HS6ST3: variants seen among roughly 807,000 people sequenced by gnomAD.
HS6ST3 encodes the protein heparan sulfate 6-O-sulfotransferase 3.
Under a neutral mutation model 36.7 loss-of-function variants are expected in HS6ST3, and 12 were observed. That is an observed-to-expected ratio of 0.33 (90% CI 0.21 to 0.53). The LOEUF (loss-of-function observed/expected upper bound fraction) is 0.53, where lower values mean the gene tolerates loss of function less well. Ranked by LOEUF, HS6ST3 falls within the 20% of genes least tolerant of loss-of-function variation. The pLI, the probability that HS6ST3 is intolerant of heterozygous loss-of-function variation, is 0.95. For missense variants in HS6ST3, 584 were observed against 640.9 expected (o/e 0.91, Z 0.96); for synonymous variants, 240 against 257.5 (o/e 0.93, Z 0.65).
chr13:96,375,066 C>A (rs1233067918), intron 1 of HS6ST3, among the ~76,000 whole-genome samples: 1 of 152,080 alleles, frequency 6.6e-6, no homozygotes, highest in Admixed American at 6.6e-5. Context: ...TGCTTCCATT[C>A]TTGTCCCTTC....
intron 1 of HS6ST3, among the ~76,000 whole-genome samples, chr13:96,112,609 A>G (rs1281055041): frequency 9.8e-6 from 1 of 102,278 alleles, no homozygotes; most frequent in Non-Finnish European, 2.1e-5. Flanking sequence ...ATATATATAT[A>G]TATATATATA....
At chr13:96,256,313 G>A (rs910646057) in intron 1 of HS6ST3, among the ~76,000 whole-genome samples, 1 of 152,158 alleles carries the variant, frequency 6.6e-6, no homozygotes, top group Non-Finnish European at 1.5e-5. Context: ...TCAAAAGTGT[G>A]GCGAGGGTGG....
intron 1 of HS6ST3, among the ~76,000 whole-genome samples, chr13:96,652,710 A>T (rs2056611784): frequency 6.6e-6 from 1 of 152,074 alleles, no homozygotes; most frequent in South Asian, 2.1e-4. Context: ...GTGTTTGGCA[A>T]TCTGTAATGT....
intron 1 of HS6ST3, among the ~76,000 whole-genome samples, chr13:96,424,138 A>G (rs1333021578): frequency 6.6e-6 from 1 of 152,184 alleles, no homozygotes; most frequent in East Asian, 1.9e-4. Flanking sequence ...TTTATTAGAG[A>G]TAAGTTTTTT....
intron 1 of HS6ST3, chr13:96,574,075 C>T (rs1231113811): frequency 3.7e-6 from 2 of 542,052 alleles, no homozygotes; most frequent in Admixed American, 1.9e-5. Flanking sequence ...GGCTTCATGG[C>T]TGCATTGGGA....
chr13:96,730,495 C>T (rs760466468), intron 1 of HS6ST3, among the ~76,000 whole-genome samples: 1 of 152,126 alleles, frequency 6.6e-6, no homozygotes, highest in African/African-American at 2.4e-5. Context: ...CATTCCTACC[C>T]TCCCCCACAA....
chr13:96,548,279 C>G (rs2056205177), intron 1 of HS6ST3, among the ~76,000 whole-genome samples: 1 of 152,116 alleles, frequency 6.6e-6, no homozygotes, highest in African/African-American at 2.4e-5. Context: ...TCCAGACGCA[C>G]CTTGCTTATC....
At chr13:96,533,979 C>A (rs567469647) in intron 1 of HS6ST3, among the ~76,000 whole-genome samples, 1 of 152,176 alleles carries the variant, frequency 6.6e-6, no homozygotes, top group Non-Finnish European at 1.5e-5. Context: ...TCATTCATTC[C>A]GCCCATCAGG....
intron 1 of HS6ST3, among the ~76,000 whole-genome samples, chr13:96,679,636 T>G (rs2056711485): frequency 6.6e-6 from 1 of 152,186 alleles, no homozygotes; most frequent in African/African-American, 2.4e-5. Flanking sequence ...TTCTGGTCTT[T>G]TTGATATGCT....
intron 1 of HS6ST3, among the ~76,000 whole-genome samples, chr13:96,202,221 G>T (rs2054345899): frequency 6.6e-6 from 1 of 152,118 alleles, no homozygotes; most frequent in Admixed American, 6.6e-5. Context: ...CCAGATAACT[G>T]CATTTTAATG....
chr13:96,787,567 A>G (rs1015116906), intron 1 of HS6ST3, among the ~76,000 whole-genome samples: 5 of 152,088 alleles, frequency 3.3e-5, no homozygotes, highest in Admixed American at 1.3e-4. Context: ...TTTCATCTAT[A>G]TATCTTCTTT....
chr13:96,153,391 C>G (rs192291640), intron 1 of HS6ST3, among the ~76,000 whole-genome samples: 1 of 152,050 alleles, frequency 6.6e-6, no homozygotes. Flanking sequence ...GGGGTATTTC[C>G]GGGGGAAGAA....
chr13:96,712,594 A>T (rs1445280589), intron 1 of HS6ST3, among the ~76,000 whole-genome samples: 1 of 152,162 alleles, frequency 6.6e-6, no homozygotes, highest in African/African-American at 2.4e-5. Flanking sequence ...AGCGCCAAAT[A>T]GCAGTTTCTC....
intron 1 of HS6ST3, among the ~76,000 whole-genome samples, chr13:96,307,116 C>G (rs2054917615): frequency 6.6e-6 from 1 of 151,398 alleles, no homozygotes; most frequent in Non-Finnish European, 1.5e-5. Context: ...TTCTGTTGGT[C>G]TTCTACATTC....
intron 1 of HS6ST3, among the ~76,000 whole-genome samples, chr13:96,166,510 A>G (rs2054160788): frequency 6.6e-6 from 1 of 150,948 alleles, no homozygotes; most frequent in Non-Finnish European, 1.5e-5. Flanking sequence ...TATAGTCTAT[A>G]GTCTTTTAAT....
intron 1 of HS6ST3, among the ~76,000 whole-genome samples, chr13:96,163,650 A>T (rs576940635): frequency 1.8e-4 from 28 of 152,228 alleles, no homozygotes; most frequent in African/African-American, 6.5e-4. Context: ...GCATAATAGT[A>T]TAGGATTAAT....
chr13:96,469,302 CT>C lies in HS6ST3; in HGVS notation c.708-363176del, dbSNP rs35741442. On this transcript the variant is annotated intron_variant, in intron 1 of 1. Coordinates refer to ENST00000376705, the MANE Select transcript of HS6ST3 (RefSeq NM_153456.4). Reference sequence around the variant, plus strand: ...TGGCTTAGTTGAATCCCTCCCCCAACTTTTTTTTTTTTGATCAATGCTGGGA... The same window carrying C: ...TGGCTTAGTTGAATCCCTCCCCCAACTTTTTTTTTTTGATCAATGCTGGGA... Among the ~76,000 whole-genome samples, 380 of 146,132 alleles carry C rather than the reference CT, an allele frequency of 2.6e-3. 1 individual carries two copies. Among genetic ancestry groups the C allele is most frequent in the South Asian group, 6.5e-3 (30 of 4,600 alleles).
At chr13:96,702,102 T>C (rs1355494832) in intron 1 of HS6ST3, among the ~76,000 whole-genome samples, 1 of 152,108 alleles carries the variant, frequency 6.6e-6, no homozygotes, top group Non-Finnish European at 1.5e-5. Context: ...AAAAGGGAGA[T>C]GGTAAGATGG....
At chr13:96,280,934 A>G (rs532244324) in intron 1 of HS6ST3, among the ~76,000 whole-genome samples, 2 of 152,322 alleles carry the variant, frequency 1.3e-5, no homozygotes, top group African/African-American at 4.8e-5. Context: ...AATTGTAGAT[A>G]CTGGTTTTTC....
Sources: allele counts gnomAD v4.1 joint callset (sites outside exome capture counted in the v4.1 genomes callset), GRCh38; gene constraint gnomAD v4.1.1; transcripts MANE v1.5; gene names NCBI Gene and HGNC (gene_info 2026-07-23, HGNC 2026-07-21).